CNTNAP2: variants seen among roughly 807,000 people sequenced by gnomAD.
CNTNAP2 encodes contactin associated protein 2.
Under a neutral mutation model 155.2 loss-of-function variants are expected in CNTNAP2, and 98 were observed. The observed-to-expected ratio is 0.63, with a 90% CI of 0.54 to 0.75. The LOEUF (loss-of-function observed/expected upper bound fraction) is 0.75, where lower values mean the gene tolerates loss of function less well. Ranked by LOEUF, CNTNAP2 falls within the 30% of genes least tolerant of loss-of-function variation. CNTNAP2 has a pLI of 0.00. For synonymous variants in CNTNAP2, 651 were observed against 631.2 expected (o/e 1.03, Z -0.47); for missense variants, 1,727 against 1,688.1 (o/e 1.02, Z -0.40).
chr7:147,494,871 CTG>C (rs1281047108), intron 11 of CNTNAP2, among the ~76,000 whole-genome samples: 1 of 152,102 alleles, frequency 6.6e-6, no homozygotes, highest in Non-Finnish European at 1.5e-5. Context: ...TGAAACCAAA[CTG>C]TGTTTGGTTT....
At chr7:147,807,177 G>A (rs1030252204) in intron 13 of CNTNAP2, among the ~76,000 whole-genome samples, 7 of 151,732 alleles carry the variant, frequency 4.6e-5, no homozygotes, top group African/African-American at 1.2e-4. Context: ...TAAAAAATTA[G>A]CTTGGCATGA....
intron 1 of CNTNAP2, among the ~76,000 whole-genome samples, chr7:146,486,497 G>T (rs2129130166): frequency 6.6e-6 from 1 of 152,236 alleles, no homozygotes; most frequent in Non-Finnish European, 1.5e-5. Flanking sequence ...CTTCTTATAG[G>T]TTCTAGAGTC....
At chr7:146,921,424 A>G (rs575451003) in intron 3 of CNTNAP2, among the ~76,000 whole-genome samples, 3 of 152,258 alleles carry the variant, frequency 2.0e-5, no homozygotes, top group African/African-American at 7.2e-5. Context: ...GAGAAACAGG[A>G]AGGCAAGAGT....
At chr7:147,623,766 T>A (rs904773465) in intron 12 of CNTNAP2, among the ~76,000 whole-genome samples, 1 of 151,674 alleles carries the variant, frequency 6.6e-6, no homozygotes, top group Non-Finnish European at 1.5e-5. Flanking sequence ...AAATTTAAAA[T>A]TAAAATTTAT....
intron 1 of CNTNAP2, among the ~76,000 whole-genome samples, chr7:146,586,516 A>G (rs941084269): frequency 3.9e-5 from 6 of 152,106 alleles, no homozygotes; most frequent in African/African-American, 1.4e-4. Context: ...TCTGTTTTCT[A>G]CCATTGACAT....
At chr7:148,228,487 T>G (rs1795898759) in intron 19 of CNTNAP2, among the ~76,000 whole-genome samples, 1 of 152,082 alleles carries the variant, frequency 6.6e-6, no homozygotes, top group African/African-American at 2.4e-5. Flanking sequence ...AAAATAAAAT[T>G]TATTACTTGG....
At chr7:146,734,480 AATG>A (rs1801577937) in intron 1 of CNTNAP2, among the ~76,000 whole-genome samples, 1 of 151,972 alleles carries the variant, frequency 6.6e-6, no homozygotes. Context: ...TATAAGAAGG[AATG>A]ATGATATTAT....
intron 13 of CNTNAP2, among the ~76,000 whole-genome samples, chr7:147,889,760 G>A (rs915960246): frequency 3.3e-5 from 5 of 152,280 alleles, no homozygotes; most frequent in Admixed American, 6.5e-5. Context: ...TAGCTAGTGA[G>A]ACTGAAAAAC....
chr7:148,272,169 C>T (rs921129448), intron 21 of CNTNAP2, among the ~76,000 whole-genome samples: 1 of 152,170 alleles, frequency 6.6e-6, no homozygotes, highest in African/African-American at 2.4e-5. Flanking sequence ...TGCCAACCAA[C>T]AGCAAACTTT....
rs148326178 is a variant in CNTNAP2, at chr7:148,012,035, C to T, written c.2383+34046C>T. 6.6e-3 allele frequency among the ~76,000 whole-genome samples: 1,002 copies of T among 152,282 alleles called. 8 individuals are homozygous for T. The highest frequency in any genetic ancestry group is 0.017 in the Middle Eastern group (5 of 294). The stretch of plus-strand genomic sequence containing the variant: ...ATAAAGGAATGTCCCCAGTTAAGGG[C>T]CAGCTCACCACTCTGATGTTCTTCC... On this transcript the variant is annotated intron_variant, in intron 15 of 23. Coordinates refer to ENST00000361727, the MANE Select transcript of CNTNAP2 (RefSeq NM_014141.6).
chr7:147,280,024 C>A (rs190194129), intron 8 of CNTNAP2, among the ~76,000 whole-genome samples: 2 of 152,004 alleles, frequency 1.3e-5, no homozygotes, highest in East Asian at 3.9e-4. Context: ...CAGTGACTTA[C>A]AATGGACTCT....
intron 9 of CNTNAP2, among the ~76,000 whole-genome samples, chr7:147,323,688 A>G (rs928210583): frequency 6.6e-6 from 1 of 152,132 alleles, no homozygotes; most frequent in Non-Finnish European, 1.5e-5. Context: ...GTGAGTTTGG[A>G]AAATTCATTT....
At chr7:148,017,878 C>T (rs1802207712) in intron 15 of CNTNAP2, among the ~76,000 whole-genome samples, 1 of 152,176 alleles carries the variant, frequency 6.6e-6, no homozygotes, top group African/African-American at 2.4e-5. Context: ...ATATGCCTGG[C>T]CAAAATAAGT....
At chr7:147,304,263 T>C (rs888103511) in intron 9 of CNTNAP2, among the ~76,000 whole-genome samples, 8 of 152,214 alleles carry the variant, frequency 5.3e-5, no homozygotes, top group Non-Finnish European at 1.0e-4. Context: ...ATTTGGCATG[T>C]TTCTTCAGTA....
chr7:146,931,028 G>T (rs1195829304), intron 3 of CNTNAP2, among the ~76,000 whole-genome samples: 1 of 151,912 alleles, frequency 6.6e-6, no homozygotes, highest in Non-Finnish European at 1.5e-5. Context: ...ACAGATCAAC[G>T]AGACAGAAAG....
rs192268756 is a variant in CNTNAP2 at position 147,187,010 on chromosome 7, C to T, written c.1348+54501C>T. On this transcript the variant is annotated intron_variant, in intron 8 of 23. Transcript: ENST00000361727. Reference sequence around the variant, plus strand: ...TGAGTGGAGCCTAAACATTTCCATTCTAACAAATGCTCAGGTGGAAATCAC... The same window carrying T: ...TGAGTGGAGCCTAAACATTTCCATTTTAACAAATGCTCAGGTGGAAATCAC... Among the ~76,000 whole-genome samples, 6 of 95,526 alleles carry T rather than the reference C, an allele frequency of 6.3e-5. 2 individuals carry two copies. In the East Asian group the frequency reaches 1.3e-3, roughly 20 times the overall value. 62.7% of individuals were successfully genotyped at this position (95,526 alleles called of 152,430 possible). A position where few individuals can be genotyped will look rare whatever the true frequency, so the allele number is the denominator to read the frequency against.
intron 1 of CNTNAP2, among the ~76,000 whole-genome samples, chr7:146,230,906 T>C (rs1013293408): frequency 5.3e-5 from 8 of 151,946 alleles, no homozygotes; most frequent in African/African-American, 1.7e-4. Context: ...TCCCAGCTAT[T>C]TGGGAGGCTG....
chr7:148,063,935 T>C (rs986930600), intron 15 of CNTNAP2, among the ~76,000 whole-genome samples: 2 of 152,108 alleles, frequency 1.3e-5, no homozygotes, highest in African/African-American at 4.8e-5. Context: ...TTCAGTTTCA[T>C]TCCTTTGCAT....
At chr7:148,240,612 C>G (rs1328032313) in intron 20 of CNTNAP2, among the ~76,000 whole-genome samples, 1 of 152,076 alleles carries the variant, frequency 6.6e-6, no homozygotes, top group Non-Finnish European at 1.5e-5. Context: ...TCTAGCAGGA[C>G]AGAACTAATA....
Sources: allele counts gnomAD v4.1 joint callset (sites outside exome capture counted in the v4.1 genomes callset), GRCh38; gene constraint gnomAD v4.1.1; transcripts MANE v1.5; gene names NCBI Gene and HGNC (gene_info 2026-07-23, HGNC 2026-07-21).